The following TNFSF4 variants were observed in gnomAD, a reference collection of about 807,000 sequenced individuals.
TNFSF4 encodes the protein TNF superfamily member 4.
A neutral mutation model predicts 7.3 loss-of-function variants in TNFSF4; 4 were observed. The observed-to-expected ratio is 0.55, with a 90% CI of 0.27 to 1.25. TNFSF4 has a LOEUF of 1.25. TNFSF4 is among the 50% of genes most tolerant of loss of function. TNFSF4 has a pLI of 0.12. For synonymous variants in TNFSF4, 76 were observed against 83.7 expected (o/e 0.91, Z 0.50); for missense variants, 181 against 208.8 (o/e 0.87, Z 0.82).
At chr1:173,232,310 A>G in the TNFSF4 span, among the ~76,000 whole-genome samples, 1 of 152,200 alleles carries the variant, frequency 6.6e-6, no homozygotes, top group African/African-American at 2.4e-5. Flanking sequence ...ATTTTTGTAC[A>G]TTGATTTTGT....
chr1:173,234,717 T>A, the TNFSF4 span, among the ~76,000 whole-genome samples: 1 of 152,270 alleles, frequency 6.6e-6, no homozygotes, highest in East Asian at 1.9e-4. Context: ...CACTGCATGT[T>A]CTCACTCATA....
intron 1 of TNFSF4, chr1:173,205,161 C>T (rs2102002112): frequency 3.5e-6 from 3 of 862,908 alleles, no homozygotes; most frequent in South Asian, 2.5e-5. Context: ...AAGTGAAGAA[C>T]TTCAAATATC....
the TNFSF4 span, among the ~76,000 whole-genome samples, chr1:173,403,969 A>G: frequency 6.6e-6 from 1 of 152,168 alleles, no homozygotes; most frequent in Admixed American, 6.5e-5. Context: ...TGAAGGGGGA[A>G]ATATAAAAGA....
At chr1:173,425,409 T>C in the TNFSF4 span, among the ~76,000 whole-genome samples, 1 of 152,052 alleles carries the variant, frequency 6.6e-6, no homozygotes, top group Non-Finnish European at 1.5e-5. Flanking sequence ...AATAAGAGAA[T>C]AGCACTGGGA....
At chr1:173,361,531 G>A in the TNFSF4 span, among the ~76,000 whole-genome samples, 5 of 152,184 alleles carry the variant, frequency 3.3e-5, no homozygotes, top group South Asian at 2.1e-4. Context: ...CCCAGAAGGC[G>A]GAGGTTGCAG....
chr1:173,242,856 A>G, the TNFSF4 span, among the ~76,000 whole-genome samples: 1 of 152,174 alleles, frequency 6.6e-6, no homozygotes, highest in African/African-American at 2.4e-5. Flanking sequence ...TGTACTTCCA[A>G]TCTACAAAAC....
chr1:173,268,464 C>T, the TNFSF4 span, among the ~76,000 whole-genome samples: 50 of 151,926 alleles, frequency 3.3e-4, no homozygotes, highest in African/African-American at 1.2e-3. Context: ...CAGCAACACC[C>T]GTAGGCTAAG....
chr1:173,182,883 T>C (rs1424423465), downstream of TNFSF4, among the ~76,000 whole-genome samples: 1 of 152,164 alleles, frequency 6.6e-6, no homozygotes, highest in Non-Finnish European at 1.5e-5. Flanking sequence ...AGGAGAACTC[T>C]TGGGAAATGG....
chr1:173,335,803 C>A, the TNFSF4 span, among the ~76,000 whole-genome samples: 2 of 152,196 alleles, frequency 1.3e-5, no homozygotes, highest in African/African-American at 4.8e-5. Context: ...AAAATATACA[C>A]TGTTACTATT....
At chr1:173,335,567 C>T in the TNFSF4 span, among the ~76,000 whole-genome samples, 1 of 152,092 alleles carries the variant, frequency 6.6e-6, no homozygotes, top group South Asian at 2.1e-4. Context: ...ACCAGCTGTT[C>T]CTAGAAATGA....
the TNFSF4 span, among the ~76,000 whole-genome samples, chr1:173,249,519 T>G: frequency 6.6e-6 from 1 of 152,224 alleles, no homozygotes; most frequent in Non-Finnish European, 1.5e-5. Context: ...GATGTCATTC[T>G]TTTAGCAGTG....
chr1:173,306,708 C>A, the TNFSF4 span, among the ~76,000 whole-genome samples: 2 of 151,880 alleles, frequency 1.3e-5, no homozygotes, highest in African/African-American at 2.4e-5. Flanking sequence ...TGTGGCCCAA[C>A]CATTACAGGG....
At chr1:173,179,787 G>T (rs2101974483), downstream of TNFSF4, among the ~76,000 whole-genome samples, 1 of 152,300 alleles carries the variant, frequency 6.6e-6, no homozygotes, top group South Asian at 2.1e-4. Context: ...TGGAAGGAAA[G>T]CACTGGCTAA....
chr1:173,255,980 G>A, the TNFSF4 span, among the ~76,000 whole-genome samples: 17 of 152,250 alleles, frequency 1.1e-4, no homozygotes, highest in South Asian at 4.2e-4. Context: ...AAAAGAGAGG[G>A]TAGTTCTTAC....
the TNFSF4 span, among the ~76,000 whole-genome samples, chr1:173,431,365 G>GCA: frequency 6.6e-6 from 1 of 152,184 alleles, no homozygotes. Flanking sequence ...AAGTTTCTGG[G>GCA]CACTAGAGGG....
the TNFSF4 span, among the ~76,000 whole-genome samples, chr1:173,262,897 G>T: frequency 6.6e-6 from 1 of 152,130 alleles, no homozygotes; most frequent in Non-Finnish European, 1.5e-5. Context: ...ACCACGCCCA[G>T]CCCCCAAAAG....
At chr1:173,409,606 T>G in the TNFSF4 span, among the ~76,000 whole-genome samples, 1 of 152,214 alleles carries the variant, frequency 6.6e-6, no homozygotes, top group Non-Finnish European at 1.5e-5. Flanking sequence ...ATCAAACTTT[T>G]TAAGGTAAAG....
chr1:173,291,061 T>C, the TNFSF4 span, among the ~76,000 whole-genome samples: 8 of 152,186 alleles, frequency 5.3e-5, no homozygotes, highest in South Asian at 8.3e-4. Context: ...GAGTAATTTA[T>C]AAAGAAAAGC....
chr1:173,299,280 C>T, the TNFSF4 span, among the ~76,000 whole-genome samples: 1 of 151,832 alleles, frequency 6.6e-6, no homozygotes, highest in Non-Finnish European at 1.5e-5. Context: ...CTGGAAACTG[C>T]CCTAAGCTTA....
Sources: allele counts gnomAD v4.1 joint callset (sites outside exome capture counted in the v4.1 genomes callset), GRCh38; gene constraint gnomAD v4.1.1; transcripts MANE v1.5; gene names NCBI Gene and HGNC (gene_info 2026-07-23, HGNC 2026-07-21).